ARHGEF10: variants seen among roughly 807,000 people sequenced by gnomAD.
ARHGEF10 encodes Rho guanine nucleotide exchange factor 10.
In ARHGEF10, 140 loss-of-function variants were observed where a neutral mutation model predicts 147.4. The observed-to-expected ratio is 0.95, with a 90% CI of 0.83 to 1.09. The LOEUF (loss-of-function observed/expected upper bound fraction) is 1.09. ARHGEF10 is among the 50% of genes least tolerant of loss of function. The pLI, the probability that ARHGEF10 is intolerant of heterozygous loss-of-function variation, is 0.00. For synonymous variants in ARHGEF10, 902 were observed against 695.8 expected, an observed-to-expected ratio of 1.30 and a Z score of -4.67; for missense variants, 2,222 against 1,752.7, an observed-to-expected ratio of 1.27 and a Z score of -4.78.
chr8:1,952,552 G>A (rs147498234), intron 27 of ARHGEF10, among the ~76,000 whole-genome samples, 153 bp from the exon 28 acceptor site: 17 of 152,346 alleles, frequency 1.1e-4, no homozygotes, highest in Admixed American at 2.6e-4. Flanking sequence ...GAGGGAGCCT[G>A]GTGCTCGGGT....
chr8:1,902,912 A>G (rs1204667135), intron 15 of ARHGEF10, among the ~76,000 whole-genome samples: 2 of 152,154 alleles, frequency 1.3e-5, no homozygotes, highest in African/African-American at 4.8e-5. Context: ...TGTTTTGAAG[A>G]AAGTAGCTGG....
chr8:1,886,569 G>A (rs949323897), intron 11 of ARHGEF10, among the ~76,000 whole-genome samples: 3 of 152,224 alleles, frequency 2.0e-5, no homozygotes, highest in Non-Finnish European at 4.4e-5. Flanking sequence ...ATTGAACAGC[G>A]ATGACTGAAG....
intron 26 of ARHGEF10, among the ~76,000 whole-genome samples, chr8:1,939,483 A>G (rs769039642): frequency 2.0e-5 from 3 of 152,226 alleles, no homozygotes; most frequent in Non-Finnish European, 2.9e-5. Context: ...TCCAGGCCTC[A>G]GGCTGGCACA....
chr8:1,935,333 G>A (rs969203403), intron 26 of ARHGEF10, among the ~76,000 whole-genome samples: 5 of 152,056 alleles, frequency 3.3e-5, no homozygotes, highest in Non-Finnish European at 5.9e-5. Context: ...GGTCCACTGG[G>A]GGCTTACTCT....
chr8:1,947,814 C>G lies in ARHGEF10; in HGVS notation c.3397+2159C>G, dbSNP rs867730020. On this transcript the variant is annotated intron_variant, in intron 27 of 28. Coordinates refer to ENST00000349830, the MANE Select transcript of ARHGEF10 (RefSeq NM_014629.4). ...CGCCCGCCTCCCTACTGCTGCTGCT[C>G]GAAAGCCACTCCTGTATGGCAGGTT... Among the ~76,000 whole-genome samples the G allele has an allele frequency of 3.7e-4, 55 of 149,098 alleles. 1 individual carries two copies. The Middle Eastern group carries it at 0.01, about 28-fold the overall frequency.
At chr8:1,893,372 G>C (rs1161268768) in intron 11 of ARHGEF10, among the ~76,000 whole-genome samples, 197 bp from the exon 12 acceptor site, 1 of 152,112 alleles carries the variant, frequency 6.6e-6, no homozygotes, top group African/African-American at 2.4e-5. Context: ...ATAGTTTGAG[G>C]TTTAAGACAT....
chr8:1,883,632 T>A (rs1808403037), intron 10 of ARHGEF10, among the ~76,000 whole-genome samples: 1 of 152,044 alleles, frequency 6.6e-6, no homozygotes. Flanking sequence ...AAGGTGGGGG[T>A]AAGCTGTCAG....
At chr8:1,895,863 C>G (rs1226028807) in intron 13 of ARHGEF10, among the ~76,000 whole-genome samples, 1 of 151,916 alleles carries the variant, frequency 6.6e-6, no homozygotes, top group East Asian at 1.9e-4. Context: ...ACGTGTAGGG[C>G]ATTGTATGTT....
chr8:1,873,544 T>G (rs1807342063), intron 7 of ARHGEF10, among the ~76,000 whole-genome samples: 2 of 118,510 alleles, frequency 1.7e-5, no homozygotes, highest in Admixed American at 1.7e-4. Context: ...GCACCCGCAT[T>G]TCCTAGTTGC....
At chr8:1,914,769 G>A (rs1811631572) in intron 18 of ARHGEF10, among the ~76,000 whole-genome samples, 1 of 152,172 alleles carries the variant, frequency 6.6e-6, no homozygotes, top group African/African-American at 2.4e-5. Flanking sequence ...CTCGGCGCTG[G>A]TTTTCCTGTA....
At chr8:1,841,175 A>T (rs1022046816) in intron 1 of ARHGEF10, among the ~76,000 whole-genome samples, 1 of 152,074 alleles carries the variant, frequency 6.6e-6, no homozygotes, top group Admixed American at 6.5e-5. Flanking sequence ...AAGTCTCCCA[A>T]CCAGTGGTTT....
intron 1 of ARHGEF10, among the ~76,000 whole-genome samples, chr8:1,830,279 C>A (rs1031316688): frequency 6.6e-6 from 1 of 152,136 alleles, no homozygotes; most frequent in African/African-American, 2.4e-5. Context: ...GCTCATTTCC[C>A]GTGGGGCCCA....
At chr8:1,863,398 C>G (rs1806313382) in intron 4 of ARHGEF10, among the ~76,000 whole-genome samples, 1 of 152,238 alleles carries the variant, frequency 6.6e-6, no homozygotes, top group South Asian at 2.1e-4. Flanking sequence ...CTGTCTCCGA[C>G]TTTGAGCCAA....
chr8:1,902,448 A>T (rs1810543724), intron 15 of ARHGEF10, among the ~76,000 whole-genome samples: 1 of 151,758 alleles, frequency 6.6e-6, no homozygotes, highest in Admixed American at 6.6e-5. Context: ...CCTCCCTTTG[A>T]CCTCCTCGTG....
intron 2 of ARHGEF10, among the ~76,000 whole-genome samples, chr8:1,846,409 AC>A (rs1349929061): frequency 2.0e-5 from 3 of 152,198 alleles, no homozygotes; most frequent in African/African-American, 7.2e-5. Flanking sequence ...TATTAAGTCA[AC>A]CGTCCACTTA....
intron 4 of ARHGEF10, among the ~76,000 whole-genome samples, chr8:1,863,796 G>C (rs1250826200): frequency 6.6e-6 from 1 of 152,108 alleles, no homozygotes; most frequent in African/African-American, 2.4e-5. Flanking sequence ...ACCCTGGAGA[G>C]CCACAGACAG....
chr8:1,929,122 TC>T (rs1812911911), intron 24 of ARHGEF10, among the ~76,000 whole-genome samples, 163 bp from the exon 25 acceptor site: 1 of 152,066 alleles, frequency 6.6e-6, no homozygotes, highest in African/African-American at 2.4e-5. Context: ...AATAAAGAAA[TC>T]AAGGTGGTTG....
Position 1,859,938 on chromosome 8 carries a change from G to A in ARHGEF10, c.235G>A (p.Glu79Lys), listed in dbSNP as rs1029274620. The A allele has an allele frequency of 1.9e-5, 31 of 1,614,058 alleles. No homozygotes were observed. The highest frequency in any genetic ancestry group is 1.6e-4 in the Middle Eastern group (1 of 6,084). Reference sequence around the variant, plus strand: ...TGGAGCAGAAACCACCCCAGTGGCAGAGCCTACTAAGCTGGTGCTCCCGAT... The same window carrying A: ...TGGAGCAGAAACCACCCCAGTGGCAAAGCCTACTAAGCTGGTGCTCCCGAT... ...GAGAETTPVA[E>K]PTKLVLPMKV... The change falls in exon 4 of 29, where the codon GAG becomes AAG. Residue 79 changes from glutamate to lysine, a missense_variant. Coordinates refer to ENST00000349830, the MANE Select transcript of ARHGEF10 (RefSeq NM_014629.4).
At chr8:1,849,656 A>T (rs1473658601) in intron 2 of ARHGEF10, among the ~76,000 whole-genome samples, 1 of 141,938 alleles carries the variant, frequency 7.0e-6, no homozygotes, top group African/African-American at 2.7e-5. Flanking sequence ...GCAAATGCTG[A>T]GGAGGGCGTG....
Sources: allele counts gnomAD v4.1 joint callset (sites outside exome capture counted in the v4.1 genomes callset), GRCh38; gene constraint gnomAD v4.1.1; transcripts MANE v1.5; gene names NCBI Gene and HGNC (gene_info 2026-07-23, HGNC 2026-07-21).